Variants in SNX14 observed in about 807,000 individuals in gnomAD.
SNX14 encodes the protein sorting nexin 14.
SNX14 carries 93 observed loss-of-function variants against 133.8 expected under a neutral mutation model. The ratio of observed to expected loss-of-function variants is 0.70; its 90% CI spans 0.59 to 0.83. The LOEUF is 0.83. Ranked by LOEUF, SNX14 falls within the 40% of genes least tolerant of loss-of-function variation. The probability of loss-of-function intolerance (pLI) is 0.00; values close to 1 mark genes in which losing one functional copy is unlikely to be tolerated. For synonymous variants in SNX14, 368 were observed against 365.6 expected (o/e 1.01, Z -0.07); for missense variants, 945 against 1,094.9 (o/e 0.86, Z 1.93).
At chr6:85,579,087 G>A (rs1312167027) in intron 1 of SNX14, among the ~76,000 whole-genome samples, 3 of 151,874 alleles carry the variant, frequency 2.0e-5, no homozygotes, top group Non-Finnish European at 2.9e-5. Context: ...GCAGTGAGCC[G>A]AGATCACGCC....
intron 8 of SNX14, among the ~76,000 whole-genome samples, chr6:85,549,040 TTTAAA>T (rs1302270699): frequency 5.3e-5 from 8 of 151,718 alleles, no homozygotes; most frequent in Non-Finnish European, 7.4e-5. Context: ...TTATTATATA[TTTAAA>T]TTAATGTTTA....
In SNX14 at chr6:85,565,361, C is replaced by T. The variant is rs775544282; in HGVS notation, c.520G>A (p.Ala174Thr). The part of the protein sequence containing the change: ...DELRITLRFF[A>T]SVLIRRIHKV... ...TGAATCCTTCTTATTAAGACAGATG[C>T]AAAAAAACGTAATGTTATTCTCAGT... The change falls in exon 6 of 29, where the codon GCA becomes ACA. Residue 174 changes from alanine (A) to threonine (T), a missense_variant. By Grantham distance (58) the Ala-to-Thr change is moderately conservative (BLOSUM62 0). Transcript: ENST00000314673. The T allele has an allele frequency of 5.6e-6, 9 of 1,600,232 alleles. No homozygotes were observed. The highest frequency in any genetic ancestry group is 6.8e-6 in the Non-Finnish European group (8 of 1,173,016).
At chr6:85,583,580 A>T (rs1262215229) in intron 1 of SNX14, among the ~76,000 whole-genome samples, 1 of 152,220 alleles carries the variant, frequency 6.6e-6, no homozygotes, top group Non-Finnish European at 1.5e-5. Context: ...CAATGGCAAA[A>T]ATCACAAGCA....
At chr6:85,543,473 G>A (rs1402972274) in intron 13 of SNX14, 132 bp downstream of exon 13, 1 of 1,055,426 alleles carries the variant, frequency 9.5e-7, no homozygotes, top group East Asian at 2.8e-5. Context: ...TTTCTTTAAA[G>A]CTTTCATCTC....
At chr6:85,550,499 T>C (rs536558118) in intron 7 of SNX14, among the ~76,000 whole-genome samples, 49 of 152,248 alleles carry the variant, frequency 3.2e-4, no homozygotes, top group Non-Finnish European at 6.3e-4. Context: ...TTATTATTAT[T>C]ATCATTATTA....
chr6:85,565,037 G>C (rs551973106), intron 6 of SNX14, among the ~76,000 whole-genome samples: 1 of 151,676 alleles, frequency 6.6e-6, no homozygotes, highest in African/African-American at 2.4e-5. Flanking sequence ...GATACACTTA[G>C]AAAGAGTAAG....
At position 85,547,158 on chromosome 6, in the gene SNX14, C is replaced by A. The variant is rs1265570647; in HGVS notation, c.1062G>T (p.Leu354=). The A allele has an allele frequency of 6.2e-6, 10 of 1,613,984 alleles. No homozygotes were observed. The highest frequency in any genetic ancestry group is 8.5e-6 in the Non-Finnish European group (10 of 1,179,932). The change falls in exon 12 of 29, where the codon CTG becomes CTT. Residue 354 remains leucine, a synonymous_variant. Coordinates refer to ENST00000314673, the MANE Select transcript of SNX14 (RefSeq NM_153816.6). ...ACACGTGCACTGCGCCTTCTTGTTTCAGAAAGTTCATAAAACGAAATAAAA... is the reference window on the plus strand; with the variant it reads ...ACACGTGCACTGCGCCTTCTTGTTTAAGAAAGTTCATAAAACGAAATAAAA... ...QDLLFRFMNF[L]KQEGAVHVLQ... is the part of the protein sequence containing the mutation.
chr6:85,553,723 T>G (rs1788637747), intron 7 of SNX14, among the ~76,000 whole-genome samples: 2 of 151,784 alleles, frequency 1.3e-5, no homozygotes, highest in Non-Finnish European at 2.9e-5. Flanking sequence ...GAGGCGGAGC[T>G]TGCAGTGAGC....
rs142917454 is a variant in SNX14 at position 85,515,575 on chromosome 6, T to C, written c.2269-946A>G. Among the ~76,000 whole-genome samples, 1,215 of 152,174 alleles carry C rather than the reference T, an allele frequency of 8.0e-3. 20 individuals carry two copies. The highest frequency in any genetic ancestry group is 0.028 in the African/African-American group (1,163 of 41,512). Reference sequence around the variant, plus strand: ...GGAGGAAAGTATATTCGATTTTACCTGAAGATGAATTTTTTAAAAGCCTCC... The same window carrying C: ...GGAGGAAAGTATATTCGATTTTACCCGAAGATGAATTTTTTAAAAGCCTCC... On this transcript the variant is annotated intron_variant, in intron 23 of 28. Coordinates refer to ENST00000314673, the MANE Select transcript of SNX14 (RefSeq NM_153816.6).
At chr6:85,585,487 G>A (rs1800529415) in intron 1 of SNX14, among the ~76,000 whole-genome samples, 1 of 151,888 alleles carries the variant, frequency 6.6e-6, no homozygotes, top group Non-Finnish European at 1.5e-5. Flanking sequence ...ACATGAAAAG[G>A]AAGGAAATAG....
intron 16 of SNX14, among the ~76,000 whole-genome samples, chr6:85,538,273 T>TC (rs1316927912): frequency 6.6e-6 from 1 of 152,152 alleles, no homozygotes; most frequent in Non-Finnish European, 1.5e-5. Flanking sequence ...ATTAGGGTTT[T>TC]TTTTAATCCA....
At chr6:85,554,434 C>G (rs1788955871) in intron 7 of SNX14, among the ~76,000 whole-genome samples, 1 of 151,988 alleles carries the variant, frequency 6.6e-6, no homozygotes, top group Non-Finnish European at 1.5e-5. Context: ...ACAGTAAAGA[C>G]AACTATGGAT....
Position 85,557,963 on chromosome 6 carries a change from A to G in SNX14, c.634+13T>C. 2 of 1,515,422 alleles carry G rather than the reference A, an allele frequency of 1.3e-6. No individual in the cohort carries two copies. Among genetic ancestry groups the G allele is most frequent in the Non-Finnish European group, 1.8e-6 (2 of 1,101,174 alleles). 93.9% of individuals were successfully genotyped at this position (1,515,422 alleles called of 1,614,324 possible). On this transcript the variant is annotated intron_variant, in intron 7 of 28. Transcript: ENST00000314673. ...AACAAAATTACTCAAACTGTAGTAGAAAACTGTATTACCTTTCTGTCTGGC... is the reference window on the plus strand; with the variant it reads ...AACAAAATTACTCAAACTGTAGTAGGAAACTGTATTACCTTTCTGTCTGGC...
At chr6:85,517,623 C>T in intron 23 of SNX14, 133 bp downstream of exon 23, 1 of 1,076,488 alleles carries the variant, frequency 9.3e-7, no homozygotes, top group Non-Finnish European at 1.3e-6. Flanking sequence ...TACCGTTCAA[C>T]TGATTTCCAC....
chr6:85,510,133 T>G (rs1231172855), intron 26 of SNX14, among the ~76,000 whole-genome samples: 1 of 152,210 alleles, frequency 6.6e-6, no homozygotes, highest in African/African-American at 2.4e-5. Flanking sequence ...GGACATGTTT[T>G]CAACTGCTTT....
intron 1 of SNX14, among the ~76,000 whole-genome samples, chr6:85,592,448 C>G (rs1383888724): frequency 6.6e-6 from 1 of 152,202 alleles, no homozygotes; most frequent in Non-Finnish European, 1.5e-5. Flanking sequence ...CTTGCGGATG[C>G]TGTCAATGAG....
intron 1 of SNX14, among the ~76,000 whole-genome samples, chr6:85,591,819 G>A (rs1802831595): frequency 6.6e-6 from 1 of 152,246 alleles, no homozygotes; most frequent in Middle Eastern, 3.4e-3. Flanking sequence ...AGACCAGCCT[G>A]GCCAACATGG....
chr6:85,541,450 T>C (rs1164395214), intron 15 of SNX14, among the ~76,000 whole-genome samples: 1 of 152,232 alleles, frequency 6.6e-6, no homozygotes, highest in East Asian at 1.9e-4. Context: ...ATAGATTTGA[T>C]GTCTGTATCA....
chr6:85,540,374 T>G (rs1220210560), intron 15 of SNX14, among the ~76,000 whole-genome samples: 1 of 152,224 alleles, frequency 6.6e-6, no homozygotes, highest in Non-Finnish European at 1.5e-5. Context: ...ATCTTATGTC[T>G]ATAAACAGGG....
Sources: allele counts gnomAD v4.1 joint callset (sites outside exome capture counted in the v4.1 genomes callset), GRCh38; gene constraint gnomAD v4.1.1; transcripts MANE v1.5; gene names NCBI Gene and HGNC (gene_info 2026-07-23, HGNC 2026-07-21).